NCAPG2: variants seen among roughly 807,000 people sequenced by gnomAD.
NCAPG2 encodes the protein condensin-2 complex subunit G2.
NCAPG2 carries 53 observed loss-of-function variants against 141.1 expected under a neutral mutation model. The observed-to-expected ratio is 0.38, with a 90% CI of 0.30 to 0.47. NCAPG2 has a LOEUF of 0.47. Among genes scored for constraint, NCAPG2 ranks in the 20% least tolerant of loss-of-function variants. The pLI is 0.99. For missense variants in NCAPG2, 1,087 were observed against 1,389.0 expected, an observed-to-expected ratio of 0.78 and a Z score of 3.46; for synonymous variants, 499 against 490.7, an observed-to-expected ratio of 1.02 and a Z score of -0.22.
intron 8 of NCAPG2, among the ~76,000 whole-genome samples, chr7:158,683,844 C>T (rs547957297): frequency 6.6e-6 from 1 of 152,318 alleles, no homozygotes; most frequent in African/African-American, 2.4e-5. Flanking sequence ...TATTTCAGGG[C>T]CACTGTTGAC....
chr7:158,656,829 C>T, intron 17 of NCAPG2, 124 bp from the exon 18 acceptor site: 1 of 1,101,400 alleles, frequency 9.1e-7, no homozygotes, highest in Non-Finnish European at 1.3e-6. Flanking sequence ...ATTATATTAG[C>T]ACTTCCATGC....
chr7:158,650,969 G>A lies in NCAPG2; in HGVS notation c.2938C>T (p.Leu980Phe). Reference sequence around the variant, plus strand: ...TGAAGAGGCCTCTGAACAGAATAAAGCAGCTACAAGAAAACACATACGTCA... The same window carrying A: ...TGAAGAGGCCTCTGAACAGAATAAAACAGCTACAAGAAAACACATACGTCA... ...RKQPEEGLRL[L>F]YSVQRPLHEF... The change falls in exon 24 of 28, where the codon CTT (leucine) becomes TTT (phenylalanine). Residue 980 changes from leucine (L) to phenylalanine (F), a missense_variant. Transcript: ENST00000356309. The A allele has an allele frequency of 6.4e-7, 1 of 1,572,900 alleles. No individual in the cohort carries two copies. Among genetic ancestry groups the A allele is most frequent in the African/African-American group, 1.4e-5 (1 of 72,252 alleles).
At position 158,680,167 on chromosome 7, in the gene NCAPG2, C is replaced by T. The variant is rs1215411547; in HGVS notation, c.1021-82G>A. On this transcript the variant is annotated intron_variant, in intron 10 of 27. Transcript: ENST00000356309. ...TAAGTACAGTGTTCCCAAAGTAACA[C>T]TTTAATTATCTTGATACAGATTTAT... is the stretch of plus-strand genomic sequence containing the variant. 3.7e-6 allele frequency: 5 copies of T among 1,368,282 alleles called. No individual in the cohort carries two copies. The Admixed American group carries it at 1.1e-4, about 29-fold the overall frequency. The allele number at this position is 1,368,282 out of a possible 1,614,324, so 84.8% of individuals were successfully genotyped here. A position where few individuals can be genotyped will look rare whatever the true frequency, so the allele number is the denominator to read the frequency against.
intron 3 of NCAPG2, 62 bp downstream of exon 3, chr7:158,693,247 G>A: frequency 1.3e-6 from 2 of 1,504,004 alleles, no homozygotes; most frequent in Non-Finnish European, 1.8e-6. Context: ...GATACACAGT[G>A]AAGTTATTTT....
Position 158,687,797 on chromosome 7 carries a change from T to C in NCAPG2, c.673-355A>G, listed in dbSNP as rs536587620. Among the ~76,000 whole-genome samples the C allele has an allele frequency of 3.9e-5, 6 of 152,306 alleles. No individual in the cohort carries two copies. In the South Asian group the frequency reaches 1.2e-3, roughly 32 times the overall value. ...CTCAAATGAAAGAAAGCTTTAAATC[T>C]AGCATAGGTGGGTGGGAATGGAGTT... On this transcript the variant is annotated intron_variant, in intron 6 of 27. Coordinates refer to ENST00000356309, the MANE Select transcript of NCAPG2 (RefSeq NM_017760.7).
At position 158,655,334 on chromosome 7, in the gene NCAPG2, C is replaced by A. The variant is rs1224709525; in HGVS notation, c.2505+5G>T. 1.2e-6 allele frequency: 2 copies of A among 1,614,178 alleles called. No homozygotes were observed. The highest frequency in any genetic ancestry group is 1.7e-5 in the Admixed American group (1 of 60,024). On this transcript the variant is annotated splice_donor_5th_base_variant and intron_variant, in intron 20 of 27. Transcript: ENST00000356309. ...ATCCTAATAGAGGGCCAGGAGCAGGCACACCTTGTGCTGAAGATGGATGCT... is the reference window on the plus strand; with the variant it reads ...ATCCTAATAGAGGGCCAGGAGCAGGAACACCTTGTGCTGAAGATGGATGCT...
chr7:158,674,082 G>C (rs969827315), intron 12 of NCAPG2, among the ~76,000 whole-genome samples: 2 of 152,158 alleles, frequency 1.3e-5, no homozygotes, highest in African/African-American at 4.8e-5. Context: ...TAAGAAGGTT[G>C]CTCCTAACAA....
In NCAPG2 at chr7:158,658,417, GA is replaced by G. The variant is rs1563522658; in HGVS notation, c.1990-10del. 1.3e-6 allele frequency: 2 copies of G among 1,596,486 alleles called. No homozygotes were observed. Among genetic ancestry groups the G allele is most frequent in the Non-Finnish European group, 1.7e-6 (2 of 1,170,956 alleles). ...ATCTTGCAGCGATCATCCTAAAAGC[GA>G]AAAAAGAAAAACAAAACAAAGCATA... On this transcript the variant is annotated splice_polypyrimidine_tract_variant and intron_variant, in intron 16 of 27. Coordinates refer to ENST00000356309, the MANE Select transcript of NCAPG2 (RefSeq NM_017760.7).
At position 158,679,887 on chromosome 7, in the gene NCAPG2, C is replaced by T. The variant is rs937590327; in HGVS notation, c.1146+73G>A. 16 of 1,555,078 alleles carry T rather than the reference C, an allele frequency of 1.0e-5. No homozygotes were observed. In the African/African-American group the frequency reaches 1.5e-4, roughly 15 times the overall value. Reference sequence around the variant, plus strand: ...GGCGGTTACAGGGGAGGTGGGGACACACACAAGCAGTACATGCCACAGCCT... The same window carrying T: ...GGCGGTTACAGGGGAGGTGGGGACATACACAAGCAGTACATGCCACAGCCT... On this transcript the variant is annotated intron_variant, in intron 11 of 27. Coordinates refer to ENST00000356309, the MANE Select transcript of NCAPG2 (RefSeq NM_017760.7).
intron 2 of NCAPG2, chr7:158,696,698 A>G (rs568547687): frequency 1.3e-5 from 2 of 152,352 alleles, no homozygotes; most frequent in East Asian, 3.9e-4. Context: ...AACAGGAAAG[A>G]AATTACTTCT....
At chr7:158,704,245 C>T (rs1342380328) in intron 1 of NCAPG2, among the ~76,000 whole-genome samples, 4 of 136,894 alleles carry the variant, frequency 2.9e-5, no homozygotes, top group African/African-American at 1.1e-4. Flanking sequence ...ACTGAGGGGA[C>T]GCTCTCTGAG....
intron 3 of NCAPG2, 147 bp from the exon 4 acceptor site, chr7:158,693,103 C>A: frequency 1.3e-6 from 1 of 799,550 alleles, no homozygotes. Flanking sequence ...AAAAGTAAAT[C>A]ATCCTAAAAG....
intron 8 of NCAPG2, among the ~76,000 whole-genome samples, chr7:158,685,267 T>C (rs1397940849): frequency 1.3e-5 from 2 of 152,136 alleles, no homozygotes; most frequent in Non-Finnish European, 2.9e-5. Context: ...AAAGAAAATA[T>C]CTTCAAATTC....
At chr7:158,693,012 T>C in intron 3 of NCAPG2, 56 bp from the exon 4 acceptor site, 1 of 1,218,868 alleles carries the variant, frequency 8.2e-7, no homozygotes, top group South Asian at 1.3e-5. Context: ...TAAAATCAGT[T>C]TTTAGCAGAA....
chr7:158,652,149 T>C (rs944512535), intron 23 of NCAPG2, 144 bp downstream of exon 23: 1 of 788,292 alleles, frequency 1.3e-6, no homozygotes, highest in Non-Finnish European at 2.0e-6. Flanking sequence ...TCTCTCTCAG[T>C]GCACCTCGCC....
intron 16 of NCAPG2, among the ~76,000 whole-genome samples, chr7:158,659,970 C>T (rs530044774): frequency 2.6e-5 from 4 of 151,860 alleles, no homozygotes; most frequent in Non-Finnish European, 4.4e-5. Flanking sequence ...ATATTAGCCA[C>T]GAATGGTGGC....
chr7:158,695,756 C>T (rs181261127), intron 2 of NCAPG2, among the ~76,000 whole-genome samples: 3 of 152,382 alleles, frequency 2.0e-5, no homozygotes, highest in East Asian at 1.9e-4. Flanking sequence ...GGACACTGGG[C>T]AAAGGCAGGG....
At chr7:158,653,530 C>G (rs547250551) in intron 22 of NCAPG2, among the ~76,000 whole-genome samples, 2 of 152,160 alleles carry the variant, frequency 1.3e-5, no homozygotes, top group South Asian at 4.2e-4. Flanking sequence ...GCCCAGTATC[C>G]TGGCTCCAGT....
intron 16 of NCAPG2, among the ~76,000 whole-genome samples, chr7:158,659,729 GAAAC>G (rs1832328728): frequency 6.6e-6 from 1 of 152,044 alleles, no homozygotes; most frequent in Admixed American, 6.6e-5. Flanking sequence ...ATATGAAACA[GAAAC>G]AAACCAAAAT....
Sources: gnomAD v4.1 joint callset for allele counts (sites outside exome capture counted in the v4.1 genomes callset) on GRCh38, gnomAD v4.1.1 for gene constraint, MANE v1.5 for transcripts, NCBI Gene and HGNC (gene_info 2026-07-23, HGNC 2026-07-21) for gene names.